The following P2RX6 variants were observed in gnomAD, a reference collection of about 807,000 sequenced individuals.
P2RX6 encodes the protein purinergic receptor P2X 6.
In P2RX6, 62 loss-of-function variants were observed where a neutral mutation model predicts 54.2. The ratio of observed to expected loss-of-function variants is 1.14; its 90% CI spans 0.93 to 1.41. The LOEUF (loss-of-function observed/expected upper bound fraction) is 1.41. P2RX6 is among the 40% of genes most tolerant of loss of function. The pLI is 0.00. For synonymous variants in P2RX6, 211 were observed against 231.9 expected (o/e 0.91, Z 0.82); for missense variants, 541 against 566.3 (o/e 0.96, Z 0.45).
In P2RX6 at chr22:21,027,382, C is replaced by T. The variant is rs1928637420; in HGVS notation, c.*765C>T. The T allele has an allele frequency of 6.6e-6, 1 of 152,284 alleles. No homozygotes were observed. Among genetic ancestry groups the T allele is most frequent in the Non-Finnish European group, 1.5e-5 (1 of 68,192 alleles). 9.4% of individuals were successfully genotyped at this position (152,284 alleles called of 1,614,324 possible). Reference sequence around the variant, plus strand: ...TTGGGTTCTTCAGGACCTTCTATATCCCTCCTCGGTAACCCCCCAGCCCAA... The same window carrying T: ...TTGGGTTCTTCAGGACCTTCTATATTCCTCCTCGGTAACCCCCCAGCCCAA... On this transcript the variant is annotated 3_prime_UTR_variant, in exon 12 of 12. Transcript: ENST00000413302.
Position 21,026,198 on chromosome 22 carries a change from T to C in P2RX6, c.1051-54T>C, listed in dbSNP as rs962117641. ...AGTCTCGGGGTGCAGGCTGGGGAGG[T>C]GGCAGGAGAGCAGGCTCGGGGGCTG... is the stretch of plus-strand genomic sequence containing the variant. On this transcript the variant is annotated intron_variant, in intron 10 of 11. Transcript: ENST00000413302. This position sits in a 1 kb window ranked among gnomAD's most constrained non-coding sequence, Gnocchi z 4.0. 4 of 1,544,598 alleles carry C rather than the reference T, an allele frequency of 2.6e-6. No homozygotes were observed. In the African/African-American group the frequency reaches 4.1e-5, roughly 16 times the overall value.
At chr22:21,015,865 T>C (rs558119256) in intron 1 of P2RX6, 77 bp from the exon 2 acceptor site, 8 of 1,439,334 alleles carry the variant, frequency 5.6e-6, no homozygotes, top group Non-Finnish European at 7.5e-6. Flanking sequence ...GGGGGAGAAC[T>C]GAGCATGTAG....
rs770233555 is a variant in P2RX6 at position 21,022,770 on chromosome 22, T to G, written c.463+19T>G. On this transcript the variant is annotated intron_variant, in intron 4 of 11. Transcript: ENST00000413302. ...AGCCACGGTAACTGTGGGCTCTGTC[T>G]TCCAGTGCCCCCAGCAGGGTGGGGG... 1 of 1,549,686 alleles carries G rather than the reference T, an allele frequency of 6.5e-7. No individual in the cohort carries two copies. The highest frequency in any genetic ancestry group is 1.3e-5 in the South Asian group (1 of 79,756).
intron 8 of P2RX6, among the ~76,000 whole-genome samples, chr22:21,025,236 A>G (rs988507802): frequency 6.6e-6 from 1 of 152,026 alleles, no homozygotes; most frequent in African/African-American, 2.4e-5. Flanking sequence ...AAGCAGATCT[A>G]TTGGATCCTT....
intron 3 of P2RX6, among the ~76,000 whole-genome samples, chr22:21,022,033 C>G (rs569783506): frequency 6.6e-6 from 1 of 152,284 alleles, no homozygotes; most frequent in Non-Finnish European, 1.5e-5. Flanking sequence ...AGGAGCTAGA[C>G]CTGGAAGAAT....
rs372658392 is a variant in P2RX6, at chr22:21,016,044, G to A, written c.267G>A (p.Glu89=). The A allele has an allele frequency of 8.3e-6, 13 of 1,561,038 alleles. No individual in the cohort carries two copies. The highest frequency in any genetic ancestry group is 1.4e-5 in the African/African-American group (1 of 73,476). The stretch of plus-strand genomic sequence containing the variant: ...GGGTTTCCGTCACTCAGATCAAGGA[G>A]CTTGGAAACCGGCTGTGGGATGTGG... ...LKGVSVTQIK[E]LGNRLWDVAD... is the part of the protein sequence containing the mutation. The change falls in exon 2 of 12, where the codon GAG becomes GAA. Residue 89 remains glutamate, a synonymous_variant. Coordinates refer to ENST00000413302, the MANE Select transcript of P2RX6 (RefSeq NM_005446.5).
upstream of P2RX6, chr22:21,013,769 A>T (rs1925915781): frequency 6.6e-6 from 1 of 152,244 alleles, no homozygotes; most frequent in South Asian, 2.1e-4. Flanking sequence ...TACATCCATT[A>T]TATTAGTTTT....
chr22:21,025,999 G>T lies in P2RX6; in HGVS notation c.985-12G>T. The T allele has an allele frequency of 6.2e-7, 1 of 1,608,152 alleles. No individual in the cohort carries two copies. The highest frequency in any genetic ancestry group is 1.3e-5 in the African/African-American group (1 of 74,954). ...GTCGTGGGCTGAGAGGTTCAGCTCAGATCTCTCTCAGGCAGGGAAGTTCGG... is the reference window on the plus strand; with the variant it reads ...GTCGTGGGCTGAGAGGTTCAGCTCATATCTCTCTCAGGCAGGGAAGTTCGG... On this transcript the variant is annotated splice_polypyrimidine_tract_variant and intron_variant, in intron 9 of 11. Transcript: ENST00000413302.
At chr22:21,010,845 G>A (rs1360275005), upstream of P2RX6, among the ~76,000 whole-genome samples, 1 of 151,834 alleles carries the variant, frequency 6.6e-6, no homozygotes, top group Non-Finnish European at 1.5e-5. Flanking sequence ...CGCTTCCCTG[G>A]CTCCCTAGCC....
In P2RX6 at chr22:21,017,932, C is replaced by T. The variant is rs778959624; in HGVS notation, c.316-57C>T. 58 of 1,122,810 alleles carry T rather than the reference C, an allele frequency of 5.2e-5. No individual in the cohort carries two copies. In the South Asian group the frequency reaches 7.1e-4, roughly 14 times the overall value. The allele number at this position is 1,122,810 out of a possible 1,614,324, so 69.6% of individuals were successfully genotyped here. ...CCCTCATAAACCAGGCTGCCGGCTT[C>T]CGGCCTTTCCAGTCAACACGAGCCC... On this transcript the variant is annotated intron_variant, in intron 2 of 11. Transcript: ENST00000413302.
At chr22:21,016,653 A>G (rs997769446) in intron 2 of P2RX6, among the ~76,000 whole-genome samples, 1 of 151,238 alleles carries the variant, frequency 6.6e-6, no homozygotes, top group East Asian at 2.0e-4. Context: ...ACAGAAAAGA[A>G]GGGAGTGTCC....
At chr22:21,025,709 T>G in intron 8 of P2RX6, 96 bp from the exon 9 acceptor site, 1 of 842,876 alleles carries the variant, frequency 1.2e-6, no homozygotes, top group Non-Finnish European at 1.9e-6. Flanking sequence ...TGGGGGTTTA[T>G]AGAGTCAATT....
chr22:21,012,751 C>G (rs1348444845), upstream of P2RX6: 3 of 307,268 alleles, frequency 9.8e-6, no homozygotes, highest in Non-Finnish European at 1.8e-5. Flanking sequence ...AAGTACCCCC[C>G]TTTCCACCTG....
At chr22:21,022,138 C>T (rs1927510029) in intron 3 of P2RX6, among the ~76,000 whole-genome samples, 1 of 152,058 alleles carries the variant, frequency 6.6e-6, no homozygotes, top group South Asian at 2.1e-4. Context: ...GAGGCTGAGA[C>T]AGAAGGATTG....
upstream of P2RX6, chr22:21,015,116 C>G: frequency 1.8e-6 from 2 of 1,131,894 alleles, no homozygotes; most frequent in Non-Finnish European, 2.5e-6. Context: ...CTGGCCTGGC[C>G]TGGCTCGGGC....
In P2RX6 at chr22:21,026,219, G is replaced by A; in HGVS notation, c.1051-33G>A. On this transcript the variant is annotated intron_variant, in intron 10 of 11. Transcript: ENST00000413302. The surrounding 1 kb of genome is among the most constrained non-coding windows in gnomAD (Gnocchi z 4.0). ...GAGGTGGCAGGAGAGCAGGCTCGGG[G>A]GCTGGAACATGGGTTGGCCCTGCCT... 1 of 1,566,570 alleles carries A rather than the reference G, an allele frequency of 6.4e-7. No homozygotes were observed. Among genetic ancestry groups the A allele is most frequent in the Non-Finnish European group, 8.7e-7 (1 of 1,155,554 alleles).
At chr22:21,012,153 G>A (rs1925770816), upstream of P2RX6, among the ~76,000 whole-genome samples, 1 of 152,152 alleles carries the variant, frequency 6.6e-6, no homozygotes, top group South Asian at 2.1e-4. Flanking sequence ...CAGCTTCAAT[G>A]AACTCCCACC....
chr22:21,027,308 G>A lies in P2RX6; in HGVS notation c.*691G>A, dbSNP rs1928625806. 6.6e-6 allele frequency: 1 copy of A among 152,666 alleles called. No individual in the cohort carries two copies. Among genetic ancestry groups the A allele is most frequent in the Non-Finnish European group, 1.5e-5 (1 of 68,464 alleles). 9.5% of individuals were successfully genotyped at this position (152,666 alleles called of 1,614,324 possible). On this transcript the variant is annotated 3_prime_UTR_variant, in exon 12 of 12. Coordinates refer to ENST00000413302, the MANE Select transcript of P2RX6 (RefSeq NM_005446.5). The stretch of plus-strand genomic sequence containing the variant: ...TTTCCAGTGGTAGCCCTTTTGCCAT[G>A]GAGGTCTGGGAGAGAGAGCAGAGGG...
chr22:21,011,621 G>A (rs1925741396), upstream of P2RX6: 3 of 710,912 alleles, frequency 4.2e-6, no homozygotes, highest in East Asian at 2.7e-5. Flanking sequence ...TCAGCCAGTG[G>A]GATGCAAAGC....
Sources: gnomAD v4.1 joint callset for allele counts (sites outside exome capture counted in the v4.1 genomes callset) on GRCh38, gnomAD v4.1.1 for gene constraint, Gnocchi (gnomAD v3.1) non-coding constraint, MANE v1.5 for transcripts, NCBI Gene and HGNC (gene_info 2026-07-23, HGNC 2026-07-21) for gene names.